Variants in CDH18 observed in about 807,000 individuals in gnomAD.
The protein encoded by CDH18 is cadherin 18, also known as cadherin-18.
In CDH18, 31 loss-of-function variants were observed where a neutral mutation model predicts 67.9. The ratio of observed to expected loss-of-function variants is 0.46; its 90% CI spans 0.34 to 0.62. The LOEUF (loss-of-function observed/expected upper bound fraction) is 0.62, where lower values mean the gene tolerates loss of function less well. CDH18 is among the 20% of genes least tolerant of loss of function. CDH18 has a pLI of 0.01. For synonymous variants in CDH18, 362 were observed against 347.2 expected, an observed-to-expected ratio of 1.04 and a Z score of -0.48; for missense variants, 890 against 975.5, an observed-to-expected ratio of 0.91 and a Z score of 1.17.
intron 2 of CDH18, among the ~76,000 whole-genome samples, chr5:20,254,754 G>C (rs954476805): frequency 6.6e-6 from 1 of 152,112 alleles, no homozygotes; most frequent in Non-Finnish European, 1.5e-5. Context: ...TCCAGCAATT[G>C]CACTACTGTG....
intron 1 of CDH18, among the ~76,000 whole-genome samples, chr5:20,396,887 T>C (rs1465604449): frequency 6.6e-6 from 1 of 152,206 alleles, no homozygotes; most frequent in East Asian, 1.9e-4. Flanking sequence ...AATAAAATTA[T>C]TTGCCCTTAT....
At chr5:20,384,192 C>T (rs78750732) in intron 1 of CDH18, among the ~76,000 whole-genome samples, 1,612 of 152,182 alleles carry the variant, frequency 0.011, 34 homozygotes, top group African/African-American at 0.037. Flanking sequence ...CATGACAGAC[C>T]TCTATAACTT....
At chr5:19,591,880 TAC>T (rs1278749931) in intron 6 of CDH18, among the ~76,000 whole-genome samples, 1 of 152,008 alleles carries the variant, frequency 6.6e-6, no homozygotes, top group Non-Finnish European at 1.5e-5. Context: ...AAAAATCGAT[TAC>T]AGAGTTGAAG....
chr5:19,809,955 C>T (rs761073931), intron 3 of CDH18, among the ~76,000 whole-genome samples: 8 of 152,022 alleles, frequency 5.3e-5, no homozygotes, highest in Non-Finnish European at 8.8e-5. Flanking sequence ...ATGGGAACAT[C>T]GAGCACACAC....
intron 2 of CDH18, among the ~76,000 whole-genome samples, chr5:19,875,411 G>C (rs987528901): frequency 6.8e-6 from 1 of 147,692 alleles, no homozygotes; most frequent in Non-Finnish European, 1.5e-5. Flanking sequence ...TAGATAGATA[G>C]ATAGATAGAT....
intron 1 of CDH18, among the ~76,000 whole-genome samples, chr5:19,983,394 T>A (rs1015810015): frequency 6.6e-6 from 1 of 152,184 alleles, no homozygotes; most frequent in African/African-American, 2.4e-5. Context: ...GATAGTTGAA[T>A]TCCCTTTCAG....
At chr5:19,764,894 C>A (rs1207765411) in intron 3 of CDH18, among the ~76,000 whole-genome samples, 1 of 152,074 alleles carries the variant, frequency 6.6e-6, no homozygotes, top group African/African-American at 2.4e-5. Flanking sequence ...TTTGACTTTC[C>A]TTGTGCTCAT....
chr5:20,426,363 T>A (rs762955008), intron 1 of CDH18, among the ~76,000 whole-genome samples: 2 of 151,216 alleles, frequency 1.3e-5, no homozygotes, highest in Non-Finnish European at 2.9e-5. Context: ...TACTAGAGGA[T>A]TCTTGAGAAA....
intron 1 of CDH18, among the ~76,000 whole-genome samples, chr5:20,365,240 GAGCA>G (rs1742413112): frequency 1.3e-5 from 2 of 152,130 alleles, no homozygotes; most frequent in Admixed American, 6.5e-5. Context: ...CAGGGAGAGA[GAGCA>G]AGCTCTCTGG....
In CDH18 at chr5:20,277,057, C is replaced by T. The variant is rs971837492; in HGVS notation, c.-579-21552G>A. ...CCAACGTCAGGCCCTGGCTTCAGGACGACATCTCTGGACCAGAACTCACTG... is the reference window on the plus strand; with the variant it reads ...CCAACGTCAGGCCCTGGCTTCAGGATGACATCTCTGGACCAGAACTCACTG... On this transcript the variant is annotated intron_variant, in intron 1 of 14. Transcript: ENST00000507958. Among the ~76,000 whole-genome samples the T allele has an allele frequency of 4.1e-4, 62 of 152,222 alleles. 2 individuals are homozygous for T. Among genetic ancestry groups the T allele is most frequent in the Admixed American group, 2.4e-3 (36 of 15,280 alleles).
intron 1 of CDH18, among the ~76,000 whole-genome samples, chr5:20,481,207 C>CAAA (rs541111689): frequency 0.049 from 6,263 of 128,680 alleles, 439 homozygotes; most frequent in African/African-American, 0.16. Context: ...CTTTTTAAGC[C>CAAA]AAAAAAAAAA....
intron 3 of CDH18, among the ~76,000 whole-genome samples, chr5:19,768,800 C>T (rs985193460): frequency 6.6e-6 from 1 of 151,802 alleles, no homozygotes; most frequent in African/African-American, 2.4e-5. Context: ...AGATTTGCCA[C>T]ATTATAATAT....
At chr5:20,299,524 C>T (rs1317839440) in intron 1 of CDH18, among the ~76,000 whole-genome samples, 1 of 151,582 alleles carries the variant, frequency 6.6e-6, no homozygotes, top group Non-Finnish European at 1.5e-5. Flanking sequence ...ACTTTGGGAG[C>T]CCGATGCAGG....
chr5:19,509,621 T>C (rs957736407), intron 10 of CDH18, among the ~76,000 whole-genome samples: 2 of 152,202 alleles, frequency 1.3e-5, no homozygotes, highest in Non-Finnish European at 2.9e-5. Flanking sequence ...CAAAGCTATA[T>C]GGTTAATAAT....
At chr5:20,096,374 AT>A (rs1279396101) in intron 2 of CDH18, among the ~76,000 whole-genome samples, 2 of 152,186 alleles carry the variant, frequency 1.3e-5, no homozygotes, top group African/African-American at 2.4e-5. Context: ...TCAGAAAAAA[AT>A]GTACCACATA....
At chr5:20,163,347 A>G (rs1042385834) in intron 2 of CDH18, among the ~76,000 whole-genome samples, 2 of 152,180 alleles carry the variant, frequency 1.3e-5, no homozygotes, top group South Asian at 4.1e-4. Flanking sequence ...TAAAAAAAGT[A>G]TCATTTCATA....
intron 5 of CDH18, among the ~76,000 whole-genome samples, chr5:19,616,814 T>A (rs1427390896): frequency 6.6e-6 from 1 of 152,198 alleles, no homozygotes; most frequent in Admixed American, 6.5e-5. Flanking sequence ...AGGTACCAGA[T>A]GATTTTATTC....
intron 5 of CDH18, among the ~76,000 whole-genome samples, chr5:19,703,096 G>A (rs1457503781): frequency 3.9e-5 from 6 of 152,086 alleles, no homozygotes; most frequent in Non-Finnish European, 5.9e-5. Context: ...TGTCAGCCCC[G>A]ATTCCTACTC....
intron 1 of CDH18, among the ~76,000 whole-genome samples, chr5:20,530,648 A>G (rs1235236548): frequency 6.6e-6 from 1 of 152,114 alleles, no homozygotes; most frequent in African/African-American, 2.4e-5. Flanking sequence ...AGGAATTTCT[A>G]TTTAACAAAT....
Sources: gnomAD v4.1 joint callset for allele counts (sites outside exome capture counted in the v4.1 genomes callset) on GRCh38, gnomAD v4.1.1 for gene constraint, MANE v1.5 for transcripts, NCBI Gene and HGNC (gene_info 2026-07-23, HGNC 2026-07-21) for gene names.